ACO1: variants seen among roughly 807,000 people sequenced by gnomAD.
The protein encoded by ACO1 is cytoplasmic aconitate hydratase.
ACO1 carries 78 observed loss-of-function variants against 105.1 expected under a neutral mutation model. That is an observed-to-expected ratio of 0.74 (90% CI 0.62 to 0.90). ACO1 has a LOEUF of 0.90. Among genes scored for constraint, ACO1 ranks in the 40% least tolerant of loss-of-function variants. The pLI is 0.00. For synonymous variants in ACO1, 364 were observed against 397.4 expected (o/e 0.92, Z 1.00); for missense variants, 965 against 1,111.1 (o/e 0.87, Z 1.87).
chr9:32,422,471 GACAA>G (rs1001445774), intron 8 of ACO1, among the ~76,000 whole-genome samples: 3 of 152,134 alleles, frequency 2.0e-5, no homozygotes, highest in African/African-American at 4.8e-5. Context: ...AAAACAAATA[GACAA>G]ACAAAAGTTC....
At chr9:32,408,328 T>TA (rs1203842614) in intron 3 of ACO1, among the ~76,000 whole-genome samples, 186 bp from the exon 4 acceptor site, 3 of 152,202 alleles carry the variant, frequency 2.0e-5, no homozygotes, top group Admixed American at 1.3e-4. Flanking sequence ...TCATGGTACT[T>TA]ACTACCTATG....
At chr9:32,424,813 C>T in intron 10 of ACO1, 148 bp downstream of exon 10, 1 of 619,284 alleles carries the variant, frequency 1.6e-6, no homozygotes, top group Admixed American at 3.0e-5. Flanking sequence ...TCCTTAATGA[C>T]TTCCTCCATT....
At chr9:32,401,866 G>T (rs992652053) in intron 1 of ACO1, among the ~76,000 whole-genome samples, 3 of 152,220 alleles carry the variant, frequency 2.0e-5, no homozygotes, top group Admixed American at 1.3e-4. Flanking sequence ...CTTGCATGCA[G>T]AGTGTACCTG....
rs143392781 is a variant in ACO1, at chr9:32,439,780, G to A, written c.2248-685G>A. ...TGCTAATTTTACAACTGACATCACC[G>A]AGTTTCTGATATTGAGCCAAAATGT... On this transcript the variant is annotated intron_variant, in intron 18 of 20. Transcript: ENST00000309951. The surrounding 1 kb of genome is among the most constrained non-coding windows in gnomAD (Gnocchi z 4.0). 1.6e-3 allele frequency among the ~76,000 whole-genome samples: 243 copies of A among 152,200 alleles called. 3 individuals are homozygous for A. Among genetic ancestry groups the A allele is most frequent in the Non-Finnish European group, 2.2e-4 (15 of 68,018 alleles).
At chr9:32,445,449 A>C (rs1822581314) in intron 19 of ACO1, 1 of 161,716 alleles carries the variant, frequency 6.2e-6, no homozygotes, top group African/African-American at 2.4e-5. Context: ...CCGGGGGATC[A>C]CTGGTGATAT....
chr9:32,440,429 TC>T, intron 18 of ACO1, 35 bp from the exon 19 acceptor site: 1 of 1,612,424 alleles, frequency 6.2e-7, no homozygotes, highest in South Asian at 1.1e-5. Flanking sequence ...TCTTTGCCTC[TC>T]CTGCATCTGT....
rs1321578885 is a variant in ACO1, at chr9:32,439,356, T to A, written c.2248-1109T>A. ...AGACATACAGAATCCTATCCGGGTT[T>A]AGGTAATGCATGCGAAATTAACCAC... On this transcript the variant is annotated intron_variant, in intron 18 of 20. Transcript: ENST00000309951. This position sits in a 1 kb window ranked among gnomAD's most constrained non-coding sequence, Gnocchi z 4.0. 6.6e-6 allele frequency among the ~76,000 whole-genome samples: 1 copy of A among 152,222 alleles called. No individual in the cohort carries two copies. Among genetic ancestry groups the A allele is most frequent in the African/African-American group, 2.4e-5 (1 of 41,462 alleles).
At chr9:32,406,001 T>C (rs1488625040) in intron 2 of ACO1, among the ~76,000 whole-genome samples, 1 of 152,212 alleles carries the variant, frequency 6.6e-6, no homozygotes, top group Non-Finnish European at 1.5e-5. Context: ...CCAAATTCCG[T>C]CCTTTTTCTG....
intron 6 of ACO1, 108 bp downstream of exon 6, chr9:32,418,619 A>G (rs2118460568): frequency 7.6e-7 from 1 of 1,308,752 alleles, no homozygotes; most frequent in Non-Finnish European, 1.1e-6. Context: ...TCCGAGAGGT[A>G]TGTTTGTCAG....
At position 32,421,147 on chromosome 9, in the gene ACO1, A is replaced by AT. The variant is rs1330877029; in HGVS notation, c.970+127dup. 8 of 1,136,760 alleles carry AT rather than the reference A, an allele frequency of 7.0e-6. No individual in the cohort carries two copies. In the Admixed American group the frequency reaches 7.4e-5, roughly 10 times the overall value. The allele number at this position is 1,136,760 out of a possible 1,614,324, so 70.4% of individuals were successfully genotyped here. A position where few individuals can be genotyped will look rare whatever the true frequency, so the allele number is the denominator to read the frequency against. On this transcript the variant is annotated intron_variant, in intron 8 of 20. Coordinates refer to ENST00000309951, the MANE Select transcript of ACO1 (RefSeq NM_002197.3). The stretch of plus-strand genomic sequence containing the variant: ...GGCACTGGGTTACAGTTACACAATT[A>AT]TTTTTTTCTCCATGGAGTCAAAATG...
intron 19 of ACO1, among the ~76,000 whole-genome samples, chr9:32,445,095 C>T (rs971605577): frequency 2.0e-5 from 3 of 152,056 alleles, no homozygotes; most frequent in African/African-American, 4.8e-5. Context: ...TGTCTCTGCC[C>T]GGCTTTGGTA....
chr9:32,451,483 A>G lies in ACO1; in HGVS notation c.*1372A>G, dbSNP rs911152332. ...GGTATAACAACTTGGTTCAAGTCCA[A>G]ATGCCTAAGAACCTGGGGAGGGGCA... On this transcript the variant is annotated 3_prime_UTR_variant, in exon 21 of 21. Transcript: ENST00000309951. 3.3e-5 allele frequency: 5 copies of G among 152,204 alleles called. No individual in the cohort carries two copies. Among genetic ancestry groups the G allele is most frequent in the African/African-American group, 1.2e-4 (5 of 41,422 alleles). The allele number at this position is 152,204 out of a possible 1,614,324, so 9.4% of individuals were successfully genotyped here.
chr9:32,401,773 G>A (rs1443995517), intron 1 of ACO1, among the ~76,000 whole-genome samples: 1 of 152,130 alleles, frequency 6.6e-6, no homozygotes, highest in Non-Finnish European at 1.5e-5. Context: ...CCCTAGTTCT[G>A]CCTGCCTTTG....
chr9:32,445,157 C>A (rs1822571512), intron 19 of ACO1, among the ~76,000 whole-genome samples: 1 of 152,072 alleles, frequency 6.6e-6, no homozygotes, highest in Admixed American at 6.5e-5. Flanking sequence ...CCCTCTTTTT[C>A]TATTGATTGG....
intron 19 of ACO1, among the ~76,000 whole-genome samples, chr9:32,448,356 TG>T (rs1431637981): frequency 6.6e-6 from 1 of 152,216 alleles, no homozygotes; most frequent in Non-Finnish European, 1.5e-5. Flanking sequence ...GCCTCAGCAA[TG>T]GCCGATGCCC....
At chr9:32,444,214 C>T (rs971106305) in intron 19 of ACO1, among the ~76,000 whole-genome samples, 5 of 152,328 alleles carry the variant, frequency 3.3e-5, no homozygotes, top group Admixed American at 3.3e-4. Flanking sequence ...TTAATCCAGT[C>T]TATCAATCAT....
intron 4 of ACO1, among the ~76,000 whole-genome samples, chr9:32,415,019 T>C (rs1821818281): frequency 6.6e-6 from 1 of 151,986 alleles, no homozygotes; most frequent in Admixed American, 6.6e-5. Flanking sequence ...ATCTGGATCC[T>C]GAGCCTGTTT....
intron 19 of ACO1, among the ~76,000 whole-genome samples, chr9:32,448,402 CTCAGACTGCTGTGCTAGCAGCAAGA>C (rs1822670778): frequency 6.6e-6 from 1 of 152,254 alleles, no homozygotes; most frequent in Non-Finnish European, 1.5e-5. Flanking sequence ...CCAGGTCAAC[CTCAGACTGCTGTGCTAGCAGCAAGA>C]ATTTCAAGCC....
chr9:32,418,993 T>G (rs1483691572), intron 6 of ACO1, 45 bp from the exon 7 acceptor site: 1 of 1,514,662 alleles, frequency 6.6e-7, no homozygotes, highest in South Asian at 1.3e-5. Context: ...AGAGATAGAG[T>G]AAGGGGTAAT....
Sources: allele counts gnomAD v4.1 joint callset (sites outside exome capture counted in the v4.1 genomes callset), GRCh38; gene constraint gnomAD v4.1.1; non-coding constraint Gnocchi (gnomAD v3.1); transcripts MANE v1.5; gene names NCBI Gene and HGNC (gene_info 2026-07-23, HGNC 2026-07-21).